Variants in MARCHF4 observed in about 807,000 individuals in gnomAD.
MARCHF4 encodes E3 ubiquitin-protein ligase MARCHF4.
In MARCHF4, 14 loss-of-function variants were observed where a neutral mutation model predicts 43.9. That is an observed-to-expected ratio of 0.32 (90% CI 0.21 to 0.50). The LOEUF is 0.50. Among genes scored for constraint, MARCHF4 ranks in the 20% least tolerant of loss-of-function variants. The pLI, the probability that MARCHF4 is intolerant of heterozygous loss-of-function variation, is 0.98. For synonymous variants in MARCHF4, 226 were observed against 213.3 expected, an observed-to-expected ratio of 1.06 and a Z score of -0.52; for missense variants, 468 against 536.7, an observed-to-expected ratio of 0.87 and a Z score of 1.27.
At chr2:216,331,791 GT>G (rs1692084672) in intron 1 of MARCHF4, among the ~76,000 whole-genome samples, 1 of 152,136 alleles carries the variant, frequency 6.6e-6, no homozygotes, top group Non-Finnish European at 1.5e-5. Context: ...GAATGAAAAA[GT>G]TATTAGTGAA....
At chr2:216,369,562 G>C (rs142627343) in intron 1 of MARCHF4, among the ~76,000 whole-genome samples, 183 bp downstream of exon 1, 1 of 152,108 alleles carries the variant, frequency 6.6e-6, no homozygotes, top group Non-Finnish European at 1.5e-5. Flanking sequence ...CACCAAACAG[G>C]CTCCACCAGG....
intron 1 of MARCHF4, among the ~76,000 whole-genome samples, chr2:216,294,864 C>T (rs12467128): frequency 0.26 from 39,921 of 152,166 alleles, 6,495 homozygotes; most frequent in Non-Finnish European, 0.35. Context: ...TTATCAGGTG[C>T]CCAACCCTGT....
chr2:216,355,915 C>T (rs912644850), intron 1 of MARCHF4, among the ~76,000 whole-genome samples: 2 of 152,170 alleles, frequency 1.3e-5, no homozygotes, highest in African/African-American at 2.4e-5. Context: ...CACAAGCACA[C>T]ATACAACAGA....
intron 1 of MARCHF4, among the ~76,000 whole-genome samples, chr2:216,308,367 G>A (rs1691624181): frequency 6.6e-6 from 1 of 152,100 alleles, no homozygotes; most frequent in Admixed American, 6.5e-5. Context: ...TGGTGCCACT[G>A]CACTCCAGCC....
At chr2:216,338,309 A>T (rs1482577030) in intron 1 of MARCHF4, among the ~76,000 whole-genome samples, 1 of 141,704 alleles carries the variant, frequency 7.1e-6, no homozygotes, top group African/African-American at 2.6e-5. Flanking sequence ...TGACCCCGGC[A>T]ATCTACACTA....
chr2:216,274,087 G>T (rs17771291), intron 3 of MARCHF4, among the ~76,000 whole-genome samples: 21,506 of 152,280 alleles, frequency 0.14, 1,599 homozygotes, highest in South Asian at 0.25. Context: ...CTGTGGCTTT[G>T]GGCTTCCCCG....
chr2:216,313,134 G>C (rs1691716803), intron 1 of MARCHF4, among the ~76,000 whole-genome samples: 1 of 151,924 alleles, frequency 6.6e-6, no homozygotes, highest in Non-Finnish European at 1.5e-5. Context: ...AACTGAATAG[G>C]GTGTCCTTTC....
chr2:216,364,471 C>T (rs962713343), intron 1 of MARCHF4, among the ~76,000 whole-genome samples: 3 of 152,200 alleles, frequency 2.0e-5, no homozygotes, highest in South Asian at 2.1e-4. Context: ...CATTCAGCTG[C>T]ACCTCTCCCC....
chr2:216,276,071 G>A (rs1362216687), intron 3 of MARCHF4, among the ~76,000 whole-genome samples: 3 of 152,204 alleles, frequency 2.0e-5, no homozygotes, highest in South Asian at 2.1e-4. Context: ...AAGGCACTGC[G>A]ATCTGTGGAA....
At chr2:216,335,810 G>A (rs1037487707) in intron 1 of MARCHF4, among the ~76,000 whole-genome samples, 2 of 152,156 alleles carry the variant, frequency 1.3e-5, no homozygotes, top group African/African-American at 4.8e-5. Context: ...GCTCATGCCT[G>A]TAATCCCAGA....
intron 1 of MARCHF4, among the ~76,000 whole-genome samples, chr2:216,318,970 T>G (rs1691832266): frequency 6.6e-6 from 1 of 152,120 alleles, no homozygotes; most frequent in Non-Finnish European, 1.5e-5. Context: ...AAAGAATTTG[T>G]GATTGCTGAA....
Position 216,286,520 on chromosome 2 carries a change from TAAA to T in MARCHF4, c.517-2794_517-2792del, listed in dbSNP as rs10565877. On this transcript the variant is annotated intron_variant, in intron 1 of 3. Transcript: ENST00000273067. Reference sequence around the variant, plus strand: ...CTGGGCGACAGAGTGCAACTCCATCTAAAAAAAAAAAAAAGAAGAAGAAGAAAA... The same window carrying T: ...CTGGGCGACAGAGTGCAACTCCATCTAAAAAAAAAAAGAAGAAGAAGAAAA... Among the ~76,000 whole-genome samples, 253 of 143,448 alleles carry T rather than the reference TAAA, an allele frequency of 1.8e-3. 2 individuals are homozygous for T. The East Asian group carries it at 0.028, about 16-fold the overall frequency. 94.1% of individuals were successfully genotyped at this position (143,448 alleles called of 152,430 possible).
chr2:216,348,095 T>C (rs1331012090), intron 1 of MARCHF4, among the ~76,000 whole-genome samples: 1 of 146,850 alleles, frequency 6.8e-6, no homozygotes, highest in Non-Finnish European at 1.5e-5. Flanking sequence ...TGGAGTGCAA[T>C]GGCGTGATCT....
intron 1 of MARCHF4, among the ~76,000 whole-genome samples, chr2:216,289,843 T>C (rs1691278945): frequency 6.6e-6 from 1 of 152,130 alleles, no homozygotes. Context: ...TGGGGTGCAG[T>C]TTAGGGGCAT....
At chr2:216,273,918 G>C (rs1690980323) in intron 3 of MARCHF4, among the ~76,000 whole-genome samples, 1 of 152,238 alleles carries the variant, frequency 6.6e-6, no homozygotes, top group South Asian at 2.1e-4. Context: ...TGGGAGAGGG[G>C]TGATGGGGAC....
intron 1 of MARCHF4, among the ~76,000 whole-genome samples, chr2:216,326,967 A>T (rs553916328): frequency 1.1e-4 from 17 of 152,196 alleles, no homozygotes; most frequent in African/African-American, 2.7e-4. Context: ...ATAATAATAA[A>T]AAATAAATAA....
rs926590687 is a variant in MARCHF4 at position 216,328,820 on chromosome 2, C to T, written c.516+40925G>A. Among the ~76,000 whole-genome samples, 25 of 151,354 alleles carry T rather than the reference C, an allele frequency of 1.7e-4. 1 individual carries two copies. The highest frequency in any genetic ancestry group is 7.1e-3 in the Middle Eastern group (2 of 280). The stretch of plus-strand genomic sequence containing the variant: ...TGGGAGGCTGAGGCAGTTGTATCAC[C>T]TGAGGTCAGGAGTTTGAGACCAGCC... On this transcript the variant is annotated intron_variant, in intron 1 of 3. Coordinates refer to ENST00000273067, the MANE Select transcript of MARCHF4 (RefSeq NM_020814.3).
chr2:216,303,315 G>T (rs1214986797), intron 1 of MARCHF4: 1 of 152,276 alleles, frequency 6.6e-6, no homozygotes, highest in Non-Finnish European at 1.5e-5. Flanking sequence ...CTCAGATCAT[G>T]CTTGGGTGCC....
intron 1 of MARCHF4, among the ~76,000 whole-genome samples, chr2:216,333,114 T>C (rs1692105492): frequency 6.6e-6 from 1 of 152,066 alleles, no homozygotes; most frequent in African/African-American, 2.4e-5. Flanking sequence ...TTTTCTTACA[T>C]ACACACAAAT....
Sources: allele counts gnomAD v4.1 joint callset (sites outside exome capture counted in the v4.1 genomes callset), GRCh38; gene constraint gnomAD v4.1.1; transcripts MANE v1.5; gene names NCBI Gene and HGNC (gene_info 2026-07-23, HGNC 2026-07-21).